The following CAPN13 variants were observed in gnomAD, a reference collection of about 807,000 sequenced individuals.
CAPN13 encodes the protein calpain-13.
A neutral mutation model predicts 98.4 loss-of-function variants in CAPN13; 90 were observed. The observed-to-expected ratio is 0.92, with a 90% CI of 0.77 to 1.09. The LOEUF (loss-of-function observed/expected upper bound fraction) is 1.09. Ranked by LOEUF, CAPN13 falls within the 50% of genes least tolerant of loss-of-function variation. CAPN13 has a pLI of 0.00. For synonymous variants in CAPN13, 330 were observed against 305.5 expected, an observed-to-expected ratio of 1.08 and a Z score of -0.84; for missense variants, 887 against 841.3, an observed-to-expected ratio of 1.05 and a Z score of -0.67.
At chr2:30,766,931 C>T (rs1044268472) in intron 5 of CAPN13, among the ~76,000 whole-genome samples, 1 of 152,208 alleles carries the variant, frequency 6.6e-6, no homozygotes, top group Non-Finnish European at 1.5e-5. Flanking sequence ...TGGGCTGTTG[C>T]CTGCACCCTT....
At chr2:30,763,183 A>G (rs1350654201) in intron 6 of CAPN13, 27 bp from the exon 7 acceptor site, 1 of 1,594,250 alleles carries the variant, frequency 6.3e-7, no homozygotes, top group Non-Finnish European at 8.6e-7. Flanking sequence ...CAGATCAAAC[A>G]TTAGACATCT....
chr2:30,804,483 G>A (rs770545313), intron 1 of CAPN13, among the ~76,000 whole-genome samples: 23 of 152,164 alleles, frequency 1.5e-4, no homozygotes, highest in Admixed American at 8.5e-4. Flanking sequence ...GATTACAGGC[G>A]TGAACAGAGC....
chr2:30,776,116 T>A (rs1673677505), intron 3 of CAPN13, 71 bp from the exon 4 acceptor site: 1 of 962,734 alleles, frequency 1.0e-6, no homozygotes, highest in African/African-American at 1.6e-5. Flanking sequence ...ATTTCAAAGG[T>A]CCTTACCACC....
chr2:30,800,146 AAGAAAGAAAG>A (rs1675161408), intron 1 of CAPN13, among the ~76,000 whole-genome samples: 1 of 148,534 alleles, frequency 6.7e-6, no homozygotes, highest in South Asian at 2.1e-4. Context: ...GAAAGAAAGA[AAGAAAGAAAG>A]AAAGAAAGAA....
intron 12 of CAPN13, chr2:30,745,340 C>A: frequency 4.0e-6 from 2 of 495,448 alleles, no homozygotes; most frequent in Admixed American, 2.3e-5. Flanking sequence ...GAGCATGCAT[C>A]CTGCTTATGG....
Position 30,732,368 on chromosome 2 carries a change from G to C in CAPN13, c.1927+70C>G, listed in dbSNP as rs1024032975. ...CACGCAGACCTGGGGTGGGGTAGGG[G>C]GTGTCCGGTCCTCTCCTGTGTTCTT... On this transcript the variant is annotated intron_variant, in intron 20 of 22. Transcript: ENST00000295055. 4.4e-6 allele frequency: 7 copies of C among 1,591,600 alleles called. No individual in the cohort carries two copies. In the Admixed American group the frequency reaches 6.7e-5, roughly 15 times the overall value.
At chr2:30,735,313 T>C (rs1252175093) in intron 18 of CAPN13, among the ~76,000 whole-genome samples, 1 of 152,188 alleles carries the variant, frequency 6.6e-6, no homozygotes, top group Non-Finnish European at 1.5e-5. Context: ...GACTCTAATT[T>C]GGGTCTATGC....
chr2:30,746,920 C>T (rs913319318), intron 11 of CAPN13, among the ~76,000 whole-genome samples: 8 of 152,180 alleles, frequency 5.3e-5, no homozygotes, highest in Non-Finnish European at 1.0e-4. Context: ...CAATGATGAT[C>T]GCACTGAAAG....
intron 6 of CAPN13, 113 bp downstream of exon 6, chr2:30,764,019 G>A (rs1325423661): frequency 2.8e-6 from 3 of 1,068,324 alleles, no homozygotes; most frequent in Non-Finnish European, 4.1e-6. Context: ...CGCTATCAGT[G>A]TTCGTTAATG....
rs180927892 is a variant in CAPN13 at position 30,805,603 on chromosome 2, T to C, written c.-33+1699A>G. ...CCTTTCACTGATCTTTTGGGGTAGA[T>C]TACTGTTGCTACCATGTCTTAGTGA... On this transcript the variant is annotated intron_variant, in intron 1 of 22. Coordinates refer to ENST00000295055, the MANE Select transcript of CAPN13 (RefSeq NM_144575.3). Among the ~76,000 whole-genome samples the C allele has an allele frequency of 8.1e-4, 123 of 152,198 alleles. 1 individual carries two copies. Among genetic ancestry groups the C allele is most frequent in the African/African-American group, 2.8e-3 (118 of 41,516 alleles).
At chr2:30,789,254 GAA>G (rs1160008147) in intron 1 of CAPN13, among the ~76,000 whole-genome samples, 1 of 152,230 alleles carries the variant, frequency 6.6e-6, no homozygotes, top group East Asian at 1.9e-4. Context: ...GAAGAGTTGT[GAA>G]AATCATGGGT....
chr2:30,730,079 C>T (rs565920028), intron 22 of CAPN13, among the ~76,000 whole-genome samples: 6 of 152,292 alleles, frequency 3.9e-5, no homozygotes, highest in South Asian at 2.1e-4. Context: ...ACCTAACACT[C>T]GGAGATGTCC....
In CAPN13 at chr2:30,764,244, G is replaced by C. The variant is rs1672997896; in HGVS notation, c.587C>G (p.Thr196Arg). 6.2e-7 allele frequency: 1 copy of C among 1,613,658 alleles called. No individual in the cohort carries two copies. The highest frequency in any genetic ancestry group is 1.3e-5 in the African/African-American group (1 of 75,042). ...ATGGATGTTGGTGATCACGCCTCCT[G>C]TGAGGTCCACCAGGGCATCCTCGAG... Reference protein sequence around the residue: ...GFLEDALVDLTGGVITNIHLH... With the variant: ...GFLEDALVDLRGGVITNIHLH... The change falls in exon 6 of 23, where the codon ACA becomes AGA. Residue 196 changes from threonine (T) to arginine (R), a missense_variant. Coordinates refer to ENST00000295055, the MANE Select transcript of CAPN13 (RefSeq NM_144575.3).
chr2:30,760,526 A>G (rs975733309), intron 7 of CAPN13, among the ~76,000 whole-genome samples: 1 of 152,212 alleles, frequency 6.6e-6, no homozygotes, highest in Non-Finnish European at 1.5e-5. Flanking sequence ...CCCTATGCCC[A>G]GGGGAATCGC....
chr2:30,736,681 CAT>C, intron 17 of CAPN13, 110 bp from the exon 18 acceptor site: 2 of 942,778 alleles, frequency 2.1e-6, no homozygotes, highest in South Asian at 1.4e-5. Context: ...ACAGCTGGTC[CAT>C]TGTCACCTGG....
At chr2:30,761,338 C>T (rs1317846824) in intron 7 of CAPN13, among the ~76,000 whole-genome samples, 1 of 152,136 alleles carries the variant, frequency 6.6e-6, no homozygotes, top group Non-Finnish European at 1.5e-5. Flanking sequence ...CAAGTGTACA[C>T]TATGGGGGCA....
Position 30,758,281 on chromosome 2 carries a change from A to G in CAPN13, c.775-144T>C, listed in dbSNP as rs575341465. ...GCAGCCAGAAAAAAAATTGAAAGGGAAAAAAAAATCAATGTCTCTCTACTG... is the reference window on the plus strand; with the variant it reads ...GCAGCCAGAAAAAAAATTGAAAGGGGAAAAAAAATCAATGTCTCTCTACTG... On this transcript the variant is annotated intron_variant, in intron 7 of 22. Transcript: ENST00000295055. 3.5e-5 allele frequency: 20 copies of G among 573,996 alleles called. No individual in the cohort carries two copies. In the East Asian group the frequency reaches 4.9e-4, roughly 14 times the overall value. The allele number at this position is 573,996 out of a possible 1,614,324, so 35.6% of individuals were successfully genotyped here. A position where few individuals can be genotyped will look rare whatever the true frequency, so the allele number is the denominator to read the frequency against.
At chr2:30,778,356 T>G (rs1384091364) in intron 2 of CAPN13, among the ~76,000 whole-genome samples, 2 of 152,110 alleles carry the variant, frequency 1.3e-5, no homozygotes, top group Non-Finnish European at 2.9e-5. Flanking sequence ...GCACCAAAAT[T>G]GTGAGAGTTC....
At chr2:30,743,824 C>G in intron 12 of CAPN13, 1 of 621,572 alleles carries the variant, frequency 1.6e-6, no homozygotes, top group Admixed American at 2.1e-5. Context: ...CTCATTGGGT[C>G]TAACAGCATC....
Sources: gnomAD v4.1 joint callset for allele counts (sites outside exome capture counted in the v4.1 genomes callset) on GRCh38, gnomAD v4.1.1 for gene constraint, MANE v1.5 for transcripts, NCBI Gene and HGNC (gene_info 2026-07-23, HGNC 2026-07-21) for gene names.